SPTA1: variants seen among roughly 807,000 people sequenced by gnomAD.
SPTA1 encodes the protein spectrin alpha chain, erythrocytic 1.
A neutral mutation model predicts 324.7 loss-of-function variants in SPTA1; 177 were observed. That is an observed-to-expected ratio of 0.55 (90% CI 0.48 to 0.62). The LOEUF (loss-of-function observed/expected upper bound fraction) is 0.62. Ranked by LOEUF, SPTA1 falls within the 20% of genes least tolerant of loss-of-function variation. SPTA1 has a pLI of 0.00. For missense variants in SPTA1, 3,162 were observed against 2,883.6 expected, an observed-to-expected ratio of 1.10 and a Z score of -2.21; for synonymous variants, 1,195 against 1,041.3, an observed-to-expected ratio of 1.15 and a Z score of -2.84.
At chr1:158,616,698 C>A (rs1017925889) in intron 47 of SPTA1, among the ~76,000 whole-genome samples, 1 of 152,066 alleles carries the variant, frequency 6.6e-6, no homozygotes, top group Non-Finnish European at 1.5e-5. Context: ...GAATAGTCTC[C>A]CTGTTATCTC....
Position 158,613,740 on chromosome 1 carries a change from C to G in SPTA1, c.6970G>C (p.Asp2324His). The G allele has an allele frequency of 6.2e-7, 1 of 1,613,824 alleles. No homozygotes were observed. Among genetic ancestry groups the G allele is most frequent in the Non-Finnish European group, 8.5e-7 (1 of 1,179,802 alleles). ...TCCTACCTCCCTGGATCCACAGCAT[C>G]CAGGAACTTCTCAAACTTGGGCTCA... Reference protein sequence around the residue: ...EHEPKFEKFLDAVDPGRKGYV... With the variant: ...EHEPKFEKFLHAVDPGRKGYV... Residue 2324 changes from aspartate (D) to histidine (H), a missense_variant, in exon 50 of 52, where the codon GAT becomes CAT. By Grantham distance (81) the Asp-to-His change is moderately conservative. Transcript: ENST00000643759.
At chr1:158,675,434 G>T (rs1654326979) in intron 8 of SPTA1, among the ~76,000 whole-genome samples, 1 of 152,054 alleles carries the variant, frequency 6.6e-6, no homozygotes. Flanking sequence ...ATACAAGCAG[G>T]GGAAGATGGA....
At chr1:158,613,630 A>T in intron 50 of SPTA1, 91 bp downstream of exon 50, 2 of 1,576,354 alleles carry the variant, frequency 1.3e-6, no homozygotes, top group South Asian at 1.1e-5. Flanking sequence ...CAGATGAGTT[A>T]ATTTCATGTT....
chr1:158,648,926 A>G (rs1652209022), intron 25 of SPTA1, among the ~76,000 whole-genome samples: 1 of 152,208 alleles, frequency 6.6e-6, no homozygotes, highest in Non-Finnish European at 1.5e-5. Flanking sequence ...AGATTATACC[A>G]CTGCTGAATG....
chr1:158,646,167 C>T (rs1353378796), intron 27 of SPTA1, among the ~76,000 whole-genome samples: 3 of 152,136 alleles, frequency 2.0e-5, no homozygotes, highest in Admixed American at 1.3e-4. Context: ...AGGTCTATTT[C>T]CCTACCCTTT....
intron 31 of SPTA1, 117 bp downstream of exon 31, chr1:158,643,205 T>C: frequency 1.6e-6 from 2 of 1,287,510 alleles, no homozygotes; most frequent in Non-Finnish European, 2.2e-6. Flanking sequence ...GGTGTCAAGA[T>C]AGTTTTAGTC....
At chr1:158,621,693 T>A (rs963241999) in intron 43 of SPTA1, among the ~76,000 whole-genome samples, 1 of 152,172 alleles carries the variant, frequency 6.6e-6, no homozygotes, top group African/African-American at 2.4e-5. Flanking sequence ...TAAGATTTAT[T>A]TGATGTAGGC....
chr1:158,679,033 A>C (rs2101938327), intron 5 of SPTA1, among the ~76,000 whole-genome samples: 1 of 152,244 alleles, frequency 6.6e-6, no homozygotes, highest in Non-Finnish European at 1.5e-5. Flanking sequence ...ATAAAATTTC[A>C]GGCATTTTTG....
rs77592446 is a variant in SPTA1 at position 158,642,773 on chromosome 1, C to T, written c.4605+41G>A. On this transcript the variant is annotated intron_variant, in intron 32 of 51. Coordinates refer to ENST00000643759, the MANE Select transcript of SPTA1 (RefSeq NM_003126.4). ...GTGATGACTATCCAACCAACAAGCT[C>T]GGAATGGTGAAATTTTCCAAGATTC... 1,347 of 1,613,512 alleles carry T rather than the reference C, an allele frequency of 8.3e-4. 6 individuals are homozygous for T. In the African/African-American group the frequency reaches 0.015, roughly 17 times the overall value.
intron 18 of SPTA1, among the ~76,000 whole-genome samples, chr1:158,658,694 T>A (rs1486941877): frequency 3.9e-5 from 6 of 152,088 alleles, no homozygotes; most frequent in African/African-American, 1.4e-4. Flanking sequence ...AGTTATAGCA[T>A]AATCAAGTTG....
At chr1:158,672,608 A>T (rs1654102890) in intron 10 of SPTA1, among the ~76,000 whole-genome samples, 2 of 152,238 alleles carry the variant, frequency 1.3e-5, no homozygotes, top group Non-Finnish European at 2.9e-5. Context: ...GTAGACAGTC[A>T]ATGAAATCCA....
At position 158,680,681 on chromosome 1, in the gene SPTA1, C is replaced by T. The variant is rs367689703; in HGVS notation, c.580G>A (p.Glu194Lys). The T allele has an allele frequency of 2.4e-5, 38 of 1,613,778 alleles. No homozygotes were observed. The highest frequency in any genetic ancestry group is 1.2e-4 in the Admixed American group (7 of 59,950). The change falls in exon 5 of 52, where the codon GAA (glutamate) becomes AAA (lysine). Residue 194 changes from glutamate to lysine, a missense_variant. By Grantham distance (56) the Glu-to-Lys change is moderately conservative. Transcript: ENST00000643759. ...VELGEDWERT[E>K]VLHKKFEDFQ... ...TCTTCAAATTTCTTATGCAGAACTT[C>T]GGTGCGCTCCCAGTCTTCACCTAGC...
rs369559397 is a variant in SPTA1, at chr1:158,645,537, G to A, written c.3954C>T (p.Ala1318=). The change falls in exon 28 of 52, where the codon GCC becomes GCT. Residue 1318 remains alanine, a synonymous_variant. Transcript: ENST00000643759. ...IGGMVSSQEL[A]EDLTGIEILL... is the part of the protein sequence containing the mutation. ...AGATCTCTATGCCAGTTAAGTCTTC[G>A]GCCAGCTCCTGTGATGATACCATGC... is the stretch of plus-strand genomic sequence containing the variant. 1.1e-5 allele frequency: 17 copies of A among 1,613,768 alleles called. No homozygotes were observed. The highest frequency in any genetic ancestry group is 8.0e-5 in the African/African-American group (6 of 74,868).
Position 158,654,624 on chromosome 1 carries a change from C to T in SPTA1, c.3023G>A (p.Ser1008Asn), listed in dbSNP as rs528844248. The change falls in exon 21 of 52, where the codon AGT becomes AAT. Residue 1008 changes from serine to asparagine, a missense_variant. Ser to Asn is a conservative substitution (Grantham distance 46). Coordinates refer to ENST00000643759, the MANE Select transcript of SPTA1 (RefSeq NM_003126.4). ...AGGAAAAGTCACCTTATTGATGGAA[C>T]TGAGCAGCGTTAAGACATCACCTTT... is the stretch of plus-strand genomic sequence containing the variant. ...MKKGDVLTLL[S>N]SINKDWWKVE... 4.3e-6 allele frequency: 7 copies of T among 1,613,766 alleles called. No homozygotes were observed. The South Asian group carries it at 6.6e-5, about 15-fold the overall frequency.
rs148064417 is a variant in SPTA1 at position 158,654,733 on chromosome 1, G to T, written c.2914C>A (p.Pro972Thr). The T allele has an allele frequency of 1.2e-5, 20 of 1,613,622 alleles. No individual in the cohort carries two copies. In the Middle Eastern group the frequency reaches 4.9e-4, roughly 40 times the overall value. The change falls in exon 21 of 52, where the codon CCA becomes ACA. Residue 972 changes from proline (P) to threonine (T), a missense_variant. Coordinates refer to ENST00000643759, the MANE Select transcript of SPTA1 (RefSeq NM_003126.4). ...TGTTCTCCAGCAACTCCCTCCACTG[G>T]TGCAGCCTGTTGTTGCTGAATAAAA... Reference protein sequence around the residue: ...ANACQQQQAAPVEGVAGEQRV... With the variant: ...ANACQQQQAATVEGVAGEQRV...
chr1:158,623,216 C>A (rs142587663), intron 42 of SPTA1, 24 bp from the exon 43 acceptor site: 3 of 1,606,268 alleles, frequency 1.9e-6, no homozygotes, highest in Admixed American at 1.7e-5. Flanking sequence ...GGAGAGAGGC[C>A]GTGAACAAGA....
chr1:158,653,777 T>C (rs998835326), intron 21 of SPTA1, among the ~76,000 whole-genome samples: 6 of 150,742 alleles, frequency 4.0e-5, no homozygotes, highest in Non-Finnish European at 5.9e-5. Flanking sequence ...GTGGAGCGTC[T>C]GTGTAAGAGG....
At chr1:158,662,985 T>C (rs1387660122) in intron 16 of SPTA1, 40 bp from the exon 17 acceptor site, 1 of 1,612,460 alleles carries the variant, frequency 6.2e-7, no homozygotes, top group East Asian at 2.2e-5. Flanking sequence ...AATCCCATCA[T>C]TTAGTAGGAA....
At chr1:158,645,635 C>A (rs1187968391) in intron 27 of SPTA1, 41 bp from the exon 28 acceptor site, 2 of 1,601,668 alleles carry the variant, frequency 1.2e-6, no homozygotes, top group African/African-American at 2.7e-5. Flanking sequence ...GAAAACCTTG[C>A]AACTTGCTAC....
Sources: allele counts gnomAD v4.1 joint callset (sites outside exome capture counted in the v4.1 genomes callset), GRCh38; gene constraint gnomAD v4.1.1; transcripts MANE v1.5; gene names NCBI Gene and HGNC (gene_info 2026-07-23, HGNC 2026-07-21).